Variants in MRPL14 observed in about 807,000 individuals in gnomAD.
The protein encoded by MRPL14 is mitochondrial ribosomal protein L14, also known as large ribosomal subunit protein uL14m.
Under a neutral mutation model 10.9 loss-of-function variants are expected in MRPL14, and 8 were observed. The ratio of observed to expected loss-of-function variants is 0.74; its 90% CI spans 0.43 to 1.33. The LOEUF is 1.33. MRPL14 is among the 40% of genes most tolerant of loss of function. The pLI is 0.01. For synonymous variants in MRPL14, 82 were observed against 74.1 expected (o/e 1.11, Z -0.54); for missense variants, 179 against 194.5 (o/e 0.92, Z 0.47).
At chr6:44,117,955 G>A (rs1190212361) in intron 1 of MRPL14, among the ~76,000 whole-genome samples, 2 of 147,952 alleles carry the variant, frequency 1.4e-5, no homozygotes, top group East Asian at 4.0e-4. Flanking sequence ...GCAAAGTGCT[G>A]GGATTATGGG....
chr6:44,124,153 C>T (rs1776708089), intron 1 of MRPL14, among the ~76,000 whole-genome samples: 1 of 152,106 alleles, frequency 6.6e-6, no homozygotes, highest in South Asian at 2.1e-4. Context: ...TTTAGGTGGG[C>T]TCCAGGTTTA....
chr6:44,119,463 G>A (rs1776197289), intron 1 of MRPL14, among the ~76,000 whole-genome samples: 1 of 151,866 alleles, frequency 6.6e-6, no homozygotes, highest in Non-Finnish European at 1.5e-5. Context: ...ATGAGGCAAA[G>A]GTTGCAGTGA....
rs1348474033 is a variant in MRPL14, at chr6:44,126,088, C to A, written c.-19+1256G>T. 2.0e-5 allele frequency among the ~76,000 whole-genome samples: 3 copies of A among 152,236 alleles called. No individual in the cohort carries two copies. The East Asian group carries it at 5.8e-4, about 29-fold the overall frequency. ...TTACTGTATATTCCTGGCATGCTAA[C>A]TGCATCCTCAGACAATTTTAAGTGA... On this transcript the variant is annotated intron_variant, in intron 1 of 2. Transcript: ENST00000372014.
intron 1 of MRPL14, among the ~76,000 whole-genome samples, chr6:44,126,137 C>A (rs544991359): frequency 1.9e-4 from 29 of 152,280 alleles, no homozygotes; most frequent in African/African-American, 6.3e-4. Context: ...CAAAGAAAGG[C>A]AAGAGGGCAA....
At position 44,118,548 on chromosome 6, in the gene MRPL14, A is replaced by AGCC. The variant is rs1168348084; in HGVS notation, c.-18-1922_-18-1920dup. Among the ~76,000 whole-genome samples, 3 of 152,306 alleles carry AGCC rather than the reference A, an allele frequency of 2.0e-5. No individual in the cohort carries two copies. In the East Asian group the frequency reaches 5.8e-4, roughly 29 times the overall value. On this transcript the variant is annotated intron_variant, in intron 1 of 2. Coordinates refer to ENST00000372014, the MANE Select transcript of MRPL14 (RefSeq NM_032111.4). ...TATACCAAAGCTCATTTCACAGGAG[A>AGCC]GCCCTGGGTGTCAAGCAGCTTTAAG...
At chr6:44,120,738 A>G (rs1381351716) in intron 1 of MRPL14, among the ~76,000 whole-genome samples, 1 of 152,202 alleles carries the variant, frequency 6.6e-6, no homozygotes, top group Non-Finnish European at 1.5e-5. Flanking sequence ...GAGTGCAATA[A>G]ATACTTGTTG....
In MRPL14 at chr6:44,113,758, T is replaced by A. The variant is rs1021836801; in HGVS notation, c.*85A>T. On this transcript the variant is annotated 3_prime_UTR_variant, in exon 3 of 3. Coordinates refer to ENST00000372014, the MANE Select transcript of MRPL14 (RefSeq NM_032111.4). ...TTACCCAGTGTGAAGGGAGCAGCCA[T>A]GTGGCTCCCAAGCTCCCTTAGCAAA... 7.7e-6 allele frequency: 11 copies of A among 1,419,594 alleles called. No homozygotes were observed. The highest frequency in any genetic ancestry group is 1.0e-5 in the Non-Finnish European group (11 of 1,050,636). The allele number at this position is 1,419,594 out of a possible 1,614,324, so 87.9% of individuals were successfully genotyped here. A position where few individuals can be genotyped will look rare whatever the true frequency, so the allele number is the denominator to read the frequency against.
chr6:44,119,706 T>C (rs993538916), intron 1 of MRPL14, among the ~76,000 whole-genome samples: 4 of 152,148 alleles, frequency 2.6e-5, no homozygotes, highest in Non-Finnish European at 5.9e-5. Flanking sequence ...AACTAAAAAC[T>C]AGCAAAAAAC....
At chr6:44,120,673 T>C (rs1776308345) in intron 1 of MRPL14, among the ~76,000 whole-genome samples, 1 of 152,210 alleles carries the variant, frequency 6.6e-6, no homozygotes, top group South Asian at 2.1e-4. Context: ...AACAAACTGT[T>C]ATACCCTCCT....
intron 1 of MRPL14, among the ~76,000 whole-genome samples, chr6:44,116,897 C>T (rs1775905095): frequency 6.6e-6 from 1 of 152,202 alleles, no homozygotes; most frequent in Admixed American, 6.5e-5. Flanking sequence ...CGGAGAATGC[C>T]TTCCTTATTA....
chr6:44,114,897 C>A (rs1775695581), intron 2 of MRPL14, among the ~76,000 whole-genome samples: 1 of 152,208 alleles, frequency 6.6e-6, no homozygotes, highest in Non-Finnish European at 1.5e-5. Context: ...GCGTGAGCCA[C>A]CGCGCCCGGT....
chr6:44,113,911 G>T lies in MRPL14; in HGVS notation c.370C>A (p.Pro124Thr), dbSNP rs776242443. 14 of 1,607,756 alleles carry T rather than the reference G, an allele frequency of 8.7e-6. No homozygotes were observed. Among genetic ancestry groups the T allele is most frequent in the African/African-American group, 1.3e-5 (1 of 74,774 alleles). The stretch of plus-strand genomic sequence containing the variant: ...CCTTCCCGCTTGCGCAGGCTGGTGG[G>T]GATGGGTGTCTTAATTCGTGTCCCC... ...PVGTRIKTPI[P>T]TSLRKREGEY... The change falls in exon 3 of 3, where the codon CCC (proline) becomes ACC (threonine). Residue 124 changes from proline to threonine, a missense_variant. Coordinates refer to ENST00000372014, the MANE Select transcript of MRPL14 (RefSeq NM_032111.4).
intron 1 of MRPL14, among the ~76,000 whole-genome samples, chr6:44,124,577 A>G (rs1479809202): frequency 6.6e-6 from 1 of 152,252 alleles, no homozygotes; most frequent in Non-Finnish European, 1.5e-5. Flanking sequence ...TAGAGTGGAC[A>G]TGGTAAATTA....
intron 2 of MRPL14, among the ~76,000 whole-genome samples, chr6:44,115,299 C>T (rs898861681): frequency 6.6e-6 from 1 of 152,126 alleles, no homozygotes; most frequent in Non-Finnish European, 1.5e-5. Flanking sequence ...TATTTCCACT[C>T]TCCTCAACTC....
At position 44,119,008 on chromosome 6, in the gene MRPL14, G is replaced by A. The variant is rs547225799; in HGVS notation, c.-18-2379C>T. On this transcript the variant is annotated intron_variant, in intron 1 of 2. Transcript: ENST00000372014. ...TAAACCTCAAAAAACCCTATGAAAT[G>A]GGTACAATTATTATTAGCCTCATTG... 5.3e-5 allele frequency among the ~76,000 whole-genome samples: 8 copies of A among 152,066 alleles called. No individual in the cohort carries two copies. The South Asian group carries it at 1.7e-3, about 32-fold the overall frequency.
intron 2 of MRPL14, among the ~76,000 whole-genome samples, chr6:44,114,757 T>A (rs1342963782): frequency 6.6e-6 from 1 of 152,170 alleles, no homozygotes; most frequent in African/African-American, 2.4e-5. Flanking sequence ...TACATGCGCC[T>A]GCTGCCATGC....
intron 1 of MRPL14, among the ~76,000 whole-genome samples, chr6:44,121,204 C>A (rs1776372004): frequency 6.6e-6 from 1 of 151,960 alleles, no homozygotes; most frequent in Non-Finnish European, 1.5e-5. Context: ...AATGACAGTT[C>A]CTTCTCTACA....
At chr6:44,120,522 G>A (rs1266753059) in intron 1 of MRPL14, among the ~76,000 whole-genome samples, 2 of 152,174 alleles carry the variant, frequency 1.3e-5, no homozygotes, top group African/African-American at 4.8e-5. Context: ...TAGCTTTTTA[G>A]TGGATCTGAT....
chr6:44,127,215 A>AC (rs530577848), intron 1 of MRPL14, 129 bp downstream of exon 1: 2,041 of 50,454 alleles, frequency 0.04, 25 homozygotes, highest in Middle Eastern at 0.12. Context: ...GACCCCTCCC[A>AC]CTGACGCTCT....
Sources: allele counts gnomAD v4.1 joint callset (sites outside exome capture counted in the v4.1 genomes callset), GRCh38; gene constraint gnomAD v4.1.1; transcripts MANE v1.5; gene names NCBI Gene and HGNC (gene_info 2026-07-23, HGNC 2026-07-21).